Variants in DPP6 observed in about 807,000 individuals in gnomAD.
DPP6 encodes the protein dipeptidyl peptidase like 6, also known as A-type potassium channel modulatory protein DPP6.
In DPP6, 69 loss-of-function variants were observed where a neutral mutation model predicts 122.6. The ratio of observed to expected loss-of-function variants is 0.56; its 90% confidence interval spans 0.46 to 0.69. DPP6 has a LOEUF of 0.69. DPP6 is among the 30% of genes least tolerant of loss of function. The probability of loss-of-function intolerance (pLI) is 0.00; values close to 1 mark genes in which losing one functional copy is unlikely to be tolerated. For missense variants in DPP6, 928 were observed against 1,116.9 expected, an observed-to-expected ratio of 0.83 and a Z score of 2.41; for synonymous variants, 418 against 433.1, an observed-to-expected ratio of 0.97 and a Z score of 0.43.
chr7:154,404,509 A>G (rs751592236), intron 1 of DPP6, among the ~76,000 whole-genome samples: 17 of 152,342 alleles, frequency 1.1e-4, no homozygotes, highest in Admixed American at 3.3e-4. Context: ...ATATGAATCA[A>G]TAAGAAGAAA....
At chr7:154,386,202 T>A (rs1433867031) in intron 1 of DPP6, among the ~76,000 whole-genome samples, 1 of 152,160 alleles carries the variant, frequency 6.6e-6, no homozygotes, top group Non-Finnish European at 1.5e-5. Flanking sequence ...TGTATCCATG[T>A]AGGTTTTATC....
At chr7:154,440,021 C>T (rs577937737) in intron 1 of DPP6, among the ~76,000 whole-genome samples, 40 of 152,286 alleles carry the variant, frequency 2.6e-4, no homozygotes, top group African/African-American at 9.1e-4. Context: ...GGGGCACCCG[C>T]AGGTTTGTGT....
At chr7:154,886,607 T>C (rs1806174858) in intron 22 of DPP6, among the ~76,000 whole-genome samples, 1 of 152,166 alleles carries the variant, frequency 6.6e-6, no homozygotes, top group Non-Finnish European at 1.5e-5. Context: ...GCCAGGCTGT[T>C]CCCTCCAGCT....
chr7:153,908,264 A>G (rs920158508), intron 1 of DPP6, among the ~76,000 whole-genome samples: 2 of 152,152 alleles, frequency 1.3e-5, no homozygotes, highest in Non-Finnish European at 2.9e-5. Flanking sequence ...CTGGTAATGC[A>G]TGCTGTGAAG....
intron 1 of DPP6, among the ~76,000 whole-genome samples, chr7:154,125,756 T>G (rs1351662666): frequency 4.6e-5 from 7 of 152,134 alleles, no homozygotes; most frequent in Non-Finnish European, 8.8e-5. Flanking sequence ...TTGCACAGAT[T>G]AAAGCAGAGA....
chr7:154,493,935 G>C (rs1824504261), intron 3 of DPP6, among the ~76,000 whole-genome samples: 1 of 152,172 alleles, frequency 6.6e-6, no homozygotes. Context: ...ACTTCTCCTA[G>C]GAATTGTAGC....
chr7:153,787,585 C>T, the DPP6 span, among the ~76,000 whole-genome samples: 1 of 124,314 alleles, frequency 8.0e-6, no homozygotes, highest in Admixed American at 7.9e-5. Context: ...GGCAACATAG[C>T]GAGATCCCTG....
At chr7:154,429,362 C>A (rs1818172404) in intron 1 of DPP6, among the ~76,000 whole-genome samples, 1 of 152,184 alleles carries the variant, frequency 6.6e-6, no homozygotes, top group Non-Finnish European at 1.5e-5. Flanking sequence ...ACAACCCAAC[C>A]CACGTCTGCC....
At chr7:154,839,331 A>C (rs1038370286) in intron 16 of DPP6, among the ~76,000 whole-genome samples, 1 of 152,214 alleles carries the variant, frequency 6.6e-6, no homozygotes, top group East Asian at 1.9e-4. Flanking sequence ...CTGAACACTC[A>C]GGTTTACTTT....
chr7:153,768,775 C>T, the DPP6 span, among the ~76,000 whole-genome samples: 1 of 152,122 alleles, frequency 6.6e-6, no homozygotes, highest in Non-Finnish European at 1.5e-5. Flanking sequence ...GTATTTACCA[C>T]CTATGACTAC....
chr7:154,414,354 T>A (rs1816849109), intron 1 of DPP6, among the ~76,000 whole-genome samples: 1 of 152,228 alleles, frequency 6.6e-6, no homozygotes, highest in Non-Finnish European at 1.5e-5. Flanking sequence ...TCTTTCAAGA[T>A]ACATAGTGTG....
chr7:154,286,714 TC>T, intron 1 of DPP6, among the ~76,000 whole-genome samples: 1 of 151,930 alleles, frequency 6.6e-6, no homozygotes. Context: ...AGGGAGCAGC[TC>T]CAGCTCTTCT....
chr7:153,998,588 G>A (rs2019899), intron 1 of DPP6, among the ~76,000 whole-genome samples: 2,710 of 152,048 alleles, frequency 0.018, no homozygotes, highest in African/African-American at 0.043. Flanking sequence ...GAGGAAAGCA[G>A]TGGAATGCAC....
chr7:154,103,224 C>T (rs916474472), intron 1 of DPP6, among the ~76,000 whole-genome samples: 2 of 152,264 alleles, frequency 1.3e-5, no homozygotes, highest in African/African-American at 2.4e-5. Context: ...CAGCAAGCCT[C>T]TTCCTTCTGT....
intron 1 of DPP6, among the ~76,000 whole-genome samples, chr7:154,289,631 G>A (rs1413250208): frequency 6.6e-6 from 1 of 152,238 alleles, no homozygotes; most frequent in East Asian, 1.9e-4. Context: ...CCTGGAAGGT[G>A]AGGGTGATTC....
intron 1 of DPP6, among the ~76,000 whole-genome samples, chr7:154,303,517 C>A (rs571122208): frequency 2.4e-4 from 37 of 152,114 alleles, no homozygotes; most frequent in Admixed American, 1.8e-3. Flanking sequence ...CCGGCCCAGT[C>A]CCTCCTACCA....
chr7:154,835,582 G>A (rs1003036180), intron 16 of DPP6, among the ~76,000 whole-genome samples: 4 of 152,152 alleles, frequency 2.6e-5, no homozygotes, highest in African/African-American at 9.7e-5. Context: ...ACCCCAAAGT[G>A]TTTTGGTGGC....
At chr7:153,782,373 C>T in the DPP6 span, among the ~76,000 whole-genome samples, 1 of 151,964 alleles carries the variant, frequency 6.6e-6, no homozygotes, top group Non-Finnish European at 1.5e-5. Context: ...CCATTTAGTT[C>T]CCATGAAGGA....
the DPP6 span, among the ~76,000 whole-genome samples, chr7:153,875,098 G>A: frequency 6.6e-6 from 1 of 152,260 alleles, no homozygotes; most frequent in Non-Finnish European, 1.5e-5. Context: ...CTGAAGACAA[G>A]AGGAAGTCTA....
Sources: gnomAD v4.1 joint callset for allele counts (sites outside exome capture counted in the v4.1 genomes callset) on GRCh38, gnomAD v4.1.1 for gene constraint, MANE v1.5 for transcripts, NCBI Gene and HGNC (gene_info 2026-07-23, HGNC 2026-07-21) for gene names.